FRMD4A: variants seen among roughly 807,000 people sequenced by gnomAD.
FRMD4A encodes the protein FERM domain-containing protein 4A.
Under a neutral mutation model 129.1 loss-of-function variants are expected in FRMD4A, and 29 were observed. That is an observed-to-expected ratio of 0.22 (90% CI 0.17 to 0.31). The LOEUF (loss-of-function observed/expected upper bound fraction) is 0.31. Ranked by LOEUF, FRMD4A falls within the 10% of genes least tolerant of loss-of-function variation. The pLI, the probability that FRMD4A is intolerant of heterozygous loss-of-function variation, is 1.00. For synonymous variants in FRMD4A, 634 were observed against 571.6 expected, an observed-to-expected ratio of 1.11 and a Z score of -1.56; for missense variants, 1,272 against 1,375.8, an observed-to-expected ratio of 0.92 and a Z score of 1.19.
At chr10:13,909,438 CCTTT>C (rs1353523226) in intron 2 of FRMD4A, among the ~76,000 whole-genome samples, 8 of 152,186 alleles carry the variant, frequency 5.3e-5, no homozygotes, top group Admixed American at 5.2e-4. Context: ...ACCCACAGTA[CCTTT>C]CTGTCTTTAC....
intron 2 of FRMD4A, among the ~76,000 whole-genome samples, chr10:14,100,863 T>C (rs1837265783): frequency 6.6e-6 from 1 of 152,184 alleles, no homozygotes. Flanking sequence ...GTGGAAAAAC[T>C]CTGAACTAGA....
chr10:13,703,620 G>A (rs996531582), intron 13 of FRMD4A, among the ~76,000 whole-genome samples: 8 of 152,206 alleles, frequency 5.3e-5, no homozygotes, highest in Non-Finnish European at 1.0e-4. Flanking sequence ...CCAAACTAAC[G>A]TGAGGCCAAT....
At chr10:13,808,522 C>T (rs913835565) in intron 4 of FRMD4A, among the ~76,000 whole-genome samples, 5 of 152,234 alleles carry the variant, frequency 3.3e-5, no homozygotes, top group Non-Finnish European at 5.9e-5. Flanking sequence ...GTTCTTCTTT[C>T]CTACCAGGAA....
chr10:13,657,629 G>A (rs111460439), intron 21 of FRMD4A, 107 bp from the exon 22 acceptor site: 14 of 1,414,932 alleles, frequency 9.9e-6, no homozygotes, highest in African/African-American at 5.8e-5. Flanking sequence ...CTGCACGCGG[G>A]CGCAGGCCCC....
At chr10:14,067,895 T>C (rs950618450) in intron 2 of FRMD4A, among the ~76,000 whole-genome samples, 1 of 151,662 alleles carries the variant, frequency 6.6e-6, no homozygotes, top group African/African-American at 2.4e-5. Context: ...ACAAACAGAG[T>C]CATTTCAGTA....
At chr10:14,280,661 T>A (rs1413656417) in intron 2 of FRMD4A, among the ~76,000 whole-genome samples, 1 of 152,212 alleles carries the variant, frequency 6.6e-6, no homozygotes, top group Non-Finnish European at 1.5e-5. Flanking sequence ...CAGAGAGGTA[T>A]TTGAAAACAC....
At chr10:14,183,167 A>G (rs1841967026) in intron 2 of FRMD4A, among the ~76,000 whole-genome samples, 1 of 152,222 alleles carries the variant, frequency 6.6e-6, no homozygotes, top group South Asian at 2.1e-4. Flanking sequence ...ATATGGTCTT[A>G]GACTCGATTT....
At chr10:13,694,100 T>C in intron 14 of FRMD4A, 61 bp from the exon 15 acceptor site, 1 of 1,405,412 alleles carries the variant, frequency 7.1e-7, no homozygotes, top group Non-Finnish European at 9.5e-7. Flanking sequence ...AGGACAGTCA[T>C]CCCTCGCCCG....
chr10:13,703,773 G>A (rs2087109577), intron 13 of FRMD4A, among the ~76,000 whole-genome samples: 1 of 152,208 alleles, frequency 6.6e-6, no homozygotes, highest in Non-Finnish European at 1.5e-5. Context: ...AGTAAACACT[G>A]AGGCGGGTGG....
chr10:13,697,059 C>T (rs1011730754), intron 14 of FRMD4A, among the ~76,000 whole-genome samples: 1 of 152,050 alleles, frequency 6.6e-6, no homozygotes, highest in African/African-American at 2.4e-5. Context: ...TGCCACACAT[C>T]ATTCTTAAAA....
chr10:14,185,196 G>A (rs1375577459), intron 2 of FRMD4A, among the ~76,000 whole-genome samples: 2 of 152,134 alleles, frequency 1.3e-5, no homozygotes, highest in Non-Finnish European at 2.9e-5. Flanking sequence ...GTATAATGTG[G>A]TGTAGCCCAA....
At chr10:13,942,438 G>T (rs1052780492) in intron 2 of FRMD4A, among the ~76,000 whole-genome samples, 3 of 152,122 alleles carry the variant, frequency 2.0e-5, no homozygotes, top group Non-Finnish European at 2.9e-5. Context: ...ACTGAGCTAC[G>T]GGCCCTCAAG....
chr10:13,840,575 G>A (rs1239206794), intron 3 of FRMD4A, among the ~76,000 whole-genome samples: 2 of 107,092 alleles, frequency 1.9e-5, no homozygotes, highest in Non-Finnish European at 4.1e-5. Context: ...GATCACTTGA[G>A]GTCAGGAGTT....
chr10:13,884,515 T>C (rs1483629043), intron 2 of FRMD4A, among the ~76,000 whole-genome samples: 1 of 152,210 alleles, frequency 6.6e-6, no homozygotes, highest in Non-Finnish European at 1.5e-5. Context: ...TTTTCTGATC[T>C]TTTTTGAAAA....
intron 3 of FRMD4A, among the ~76,000 whole-genome samples, chr10:13,812,834 C>T (rs2093472484): frequency 6.6e-6 from 1 of 152,224 alleles, no homozygotes; most frequent in Non-Finnish European, 1.5e-5. Context: ...TCCATTCATA[C>T]TGAATTTTGA....
chr10:14,319,367 T>TCTCTCTCTCTCTCTCACACA (rs112041665), intron 2 of FRMD4A, among the ~76,000 whole-genome samples: 14 of 145,150 alleles, frequency 9.6e-5, no homozygotes, highest in African/African-American at 3.8e-4. Context: ...TCTCTCTCTC[T>TCTCTCTCTCTCTCTCACACA]CACACACACA....
At chr10:13,963,871 G>T (rs1171259330) in intron 2 of FRMD4A, among the ~76,000 whole-genome samples, 1 of 152,110 alleles carries the variant, frequency 6.6e-6, no homozygotes, top group Non-Finnish European at 1.5e-5. Flanking sequence ...ATTAGGTTAG[G>T]ACTGCTTTGC....
chr10:14,047,891 T>C lies in FRMD4A; in HGVS notation c.46-188979A>G, dbSNP rs147571941. ...CCAGCTGCAGGGCCTGTGTAGACTA[T>C]TGAAGTTAGGTCTTGGCTTTCTTCA... On this transcript the variant is annotated intron_variant, in intron 2 of 24. Coordinates refer to ENST00000357447, the MANE Select transcript of FRMD4A (RefSeq NM_018027.5). 1.4e-4 allele frequency among the ~76,000 whole-genome samples: 22 copies of C among 152,246 alleles called. No individual in the cohort carries two copies. In the East Asian group the frequency reaches 3.5e-3, roughly 24 times the overall value.
intron 2 of FRMD4A, among the ~76,000 whole-genome samples, chr10:14,164,237 T>G (rs752498276): frequency 6.6e-6 from 1 of 152,236 alleles, no homozygotes; most frequent in Non-Finnish European, 1.5e-5. Flanking sequence ...AAGCCTCATC[T>G]TCAGGCACAA....
Sources: allele counts gnomAD v4.1 joint callset (sites outside exome capture counted in the v4.1 genomes callset), GRCh38; gene constraint gnomAD v4.1.1; transcripts MANE v1.5; gene names NCBI Gene and HGNC (gene_info 2026-07-23, HGNC 2026-07-21).